Variants in MYO3B observed in about 807,000 individuals in gnomAD.
MYO3B encodes myosin-IIIb.
Under a neutral mutation model 174.6 loss-of-function variants are expected in MYO3B, and 156 were observed. The observed-to-expected ratio is 0.89, with a 90% CI of 0.78 to 1.02. The LOEUF is 1.02. Ranked by LOEUF, MYO3B falls within the 50% of genes least tolerant of loss-of-function variation. The pLI, the probability that MYO3B is intolerant of heterozygous loss-of-function variation, is 0.00. For missense variants in MYO3B, 1,632 were observed against 1,639.4 expected (o/e 1.00, Z 0.08); for synonymous variants, 563 against 569.1 (o/e 0.99, Z 0.15).
At chr2:170,328,227 C>G (rs13025708) in intron 7 of MYO3B, among the ~76,000 whole-genome samples, 1 of 151,846 alleles carries the variant, frequency 6.6e-6, no homozygotes, top group African/African-American at 2.4e-5. Flanking sequence ...AATATATCTT[C>G]GTCTGTGTCA....
chr2:170,588,954 G>A (rs1575208104), intron 32 of MYO3B, among the ~76,000 whole-genome samples: 1 of 152,178 alleles, frequency 6.6e-6, no homozygotes, highest in Non-Finnish European at 1.5e-5. Flanking sequence ...ACAAGGCTGT[G>A]GTTGAGACGG....
chr2:170,568,870 G>C (rs1559123479), intron 32 of MYO3B, among the ~76,000 whole-genome samples: 1 of 152,122 alleles, frequency 6.6e-6, no homozygotes, highest in African/African-American at 2.4e-5. Context: ...TCTTTAAAAA[G>C]TAAAGAAGAC....
rs562686497 is a variant in MYO3B at position 170,472,791 on chromosome 2, C to T, written c.3014+6080C>T. ...ATGTTGGCTCACTGCAACCTCTACC[C>T]GCTGGGTTCAAGCGACCCTCCCACC... On this transcript the variant is annotated intron_variant, in intron 25 of 34. Coordinates refer to ENST00000408978, the MANE Select transcript of MYO3B (RefSeq NM_138995.5). Among the ~76,000 whole-genome samples the T allele has an allele frequency of 1.1e-4, 16 of 151,710 alleles. No homozygotes were observed. The South Asian group carries it at 1.5e-3, about 14-fold the overall frequency.
rs556832096 is a variant in MYO3B at position 170,231,249 on chromosome 2, T to C, written c.604-4742T>C. ...GTCTGGATCTGTGAACTCCTTAGCC[T>C]GAAGAAGGCTAAAGAGAATTGCCTC... is the stretch of plus-strand genomic sequence containing the variant. On this transcript the variant is annotated intron_variant, in intron 6 of 34. Coordinates refer to ENST00000408978, the MANE Select transcript of MYO3B (RefSeq NM_138995.5). Among the ~76,000 whole-genome samples the C allele has an allele frequency of 4.4e-4, 67 of 152,326 alleles. 3 individuals are homozygous for C. The South Asian group carries it at 0.014, about 31-fold the overall frequency.
chr2:170,383,798 C>T lies in MYO3B; in HGVS notation c.1274C>T (p.Thr425Ile). The change falls in exon 12 of 35, where the codon ACT becomes ATT. Residue 425 changes from threonine (T) to isoleucine (I), a missense_variant. By Grantham distance (89) the Thr-to-Ile change is moderately conservative. Transcript: ENST00000408978. ...GATGCTGCTTACCAGTGCATGGTTA[C>T]TCTCAGCAAAGACCAGGTAAGAACT... ...SADAAYQCMVTLSKDQCIVIS... is the reference protein window; with the variant it reads ...SADAAYQCMVILSKDQCIVIS... 1 of 1,613,358 alleles carries T rather than the reference C, an allele frequency of 6.2e-7. No homozygotes were observed. The highest frequency in any genetic ancestry group is 8.5e-7 in the Non-Finnish European group (1 of 1,179,332).
At chr2:170,542,461 A>G (rs529261925) in intron 30 of MYO3B, among the ~76,000 whole-genome samples, 1 of 152,368 alleles carries the variant, frequency 6.6e-6, no homozygotes, top group African/African-American at 2.4e-5. Flanking sequence ...TGCAGTAAGG[A>G]AACCTTTCAA....
chr2:170,501,194 C>T (rs1242353148), intron 27 of MYO3B, among the ~76,000 whole-genome samples: 1 of 152,114 alleles, frequency 6.6e-6, no homozygotes, highest in Non-Finnish European at 1.5e-5. Context: ...CTCTCTTTTT[C>T]TTCACCTTTC....
intron 6 of MYO3B, among the ~76,000 whole-genome samples, chr2:170,225,145 C>T (rs1239228177): frequency 6.6e-6 from 1 of 152,214 alleles, no homozygotes; most frequent in Non-Finnish European, 1.5e-5. Flanking sequence ...TTAGCGAGTG[C>T]TTACTATGTG....
chr2:170,484,592 C>T (rs1685904941), intron 25 of MYO3B, among the ~76,000 whole-genome samples: 1 of 152,132 alleles, frequency 6.6e-6, no homozygotes, highest in East Asian at 1.9e-4. Flanking sequence ...CTGTTGTATG[C>T]TAAGTGCTAT....
At chr2:170,310,454 GGA>G (rs2105467538) in intron 7 of MYO3B, among the ~76,000 whole-genome samples, 1 of 152,226 alleles carries the variant, frequency 6.6e-6, no homozygotes, top group Admixed American at 6.5e-5. Flanking sequence ...CCCGAGGTCA[GGA>G]GTTTGAGACC....
chr2:170,254,476 C>A (rs1421613721), intron 7 of MYO3B, among the ~76,000 whole-genome samples: 1 of 152,174 alleles, frequency 6.6e-6, no homozygotes, highest in African/African-American at 2.4e-5. Context: ...TCTGCTGGCC[C>A]CTCCCAAGGC....
chr2:170,466,755 C>G, intron 25 of MYO3B, 44 bp downstream of exon 25: 3 of 1,586,424 alleles, frequency 1.9e-6, no homozygotes, highest in Non-Finnish European at 2.6e-6. Context: ...AAATGTAGCT[C>G]TACTCTGGCC....
In MYO3B at chr2:170,558,359, C is replaced by T. The variant is rs186584988; in HGVS notation, c.3733+14371C>T. On this transcript the variant is annotated intron_variant, in intron 32 of 34. Coordinates refer to ENST00000408978, the MANE Select transcript of MYO3B (RefSeq NM_138995.5). ...GACAGTATAATAAATTATTATAATG[C>T]AAGCACCATGTGAGCACAACCGAGA... Among the ~76,000 whole-genome samples the T allele has an allele frequency of 3.0e-4, 45 of 151,856 alleles. No individual in the cohort carries two copies. In the East Asian group the frequency reaches 8.2e-3, roughly 28 times the overall value.
chr2:170,586,492 T>A (rs367568298), intron 32 of MYO3B, among the ~76,000 whole-genome samples: 11 of 152,238 alleles, frequency 7.2e-5, no homozygotes, highest in African/African-American at 2.2e-4. Context: ...TTAGAAAATA[T>A]TTAGCAATTA....
chr2:170,318,877 G>A (rs1055158562), intron 7 of MYO3B, among the ~76,000 whole-genome samples: 2 of 152,172 alleles, frequency 1.3e-5, no homozygotes, highest in African/African-American at 4.8e-5. Flanking sequence ...AGCCCTAGTG[G>A]TGTGACCATA....
chr2:170,652,092 T>C lies in MYO3B; in HGVS notation c.3841-16T>C. On this transcript the variant is annotated splice_polypyrimidine_tract_variant and intron_variant, in intron 33 of 34. Coordinates refer to ENST00000408978, the MANE Select transcript of MYO3B (RefSeq NM_138995.5). ...GCTGCTTTGCTTTGACTGTGTGTTC[T>C]TGGCCCTCTCCACAGGGAACTCTAG... 6.2e-7 allele frequency: 1 copy of C among 1,610,552 alleles called. No individual in the cohort carries two copies. The highest frequency in any genetic ancestry group is 8.5e-7 in the Non-Finnish European group (1 of 1,179,192).
At chr2:170,452,233 A>T (rs1465929906) in intron 23 of MYO3B, among the ~76,000 whole-genome samples, 1 of 152,182 alleles carries the variant, frequency 6.6e-6, no homozygotes, top group Non-Finnish European at 1.5e-5. Flanking sequence ...ACGTAAAACC[A>T]AACAAAGCCT....
chr2:170,418,388 T>A (rs1348218245), intron 22 of MYO3B, among the ~76,000 whole-genome samples: 1 of 152,246 alleles, frequency 6.6e-6, no homozygotes, highest in Non-Finnish European at 1.5e-5. Context: ...TGTATTAATA[T>A]CATCGCTACT....
At chr2:170,318,054 C>T (rs889307730) in intron 7 of MYO3B, among the ~76,000 whole-genome samples, 1 of 152,162 alleles carries the variant, frequency 6.6e-6, no homozygotes, top group African/African-American at 2.4e-5. Context: ...GTTTTCTCGT[C>T]TGTGAAATAA....
Sources: allele counts gnomAD v4.1 joint callset (sites outside exome capture counted in the v4.1 genomes callset), GRCh38; gene constraint gnomAD v4.1.1; transcripts MANE v1.5; gene names NCBI Gene and HGNC (gene_info 2026-07-23, HGNC 2026-07-21).